The following ROR1 variants were observed in gnomAD, a reference collection of about 807,000 sequenced individuals.
ROR1 encodes inactive tyrosine-protein kinase transmembrane receptor ROR1.
Under a neutral mutation model 78.8 loss-of-function variants are expected in ROR1, and 19 were observed. That is an observed-to-expected ratio of 0.24 (90% confidence interval 0.17 to 0.35). ROR1 has a LOEUF of 0.35. Among genes scored for constraint, ROR1 ranks in the 10% least tolerant of loss-of-function variants. ROR1 has a pLI of 1.00. For missense variants in ROR1, 917 were observed against 1,177.8 expected, an observed-to-expected ratio of 0.78 and a Z score of 3.24; for synonymous variants, 386 against 433.6, an observed-to-expected ratio of 0.89 and a Z score of 1.36.
At chr1:64,029,191 G>A (rs1251552373) in intron 2 of ROR1, among the ~76,000 whole-genome samples, 1 of 152,054 alleles carries the variant, frequency 6.6e-6, no homozygotes, top group African/African-American at 2.4e-5. Flanking sequence ...TCTGTGAATA[G>A]TACCTGTGAA....
intron 1 of ROR1, among the ~76,000 whole-genome samples, chr1:63,850,750 T>C (rs1291792690): frequency 6.6e-6 from 1 of 152,186 alleles, no homozygotes; most frequent in Non-Finnish European, 1.5e-5. Context: ...TTGGCCCTAA[T>C]TAGTTTGCTA....
chr1:64,148,773 A>C (rs909235613), intron 7 of ROR1, among the ~76,000 whole-genome samples: 3 of 152,184 alleles, frequency 2.0e-5, no homozygotes, highest in Non-Finnish European at 4.4e-5. Flanking sequence ...GCATATGCCC[A>C]GACAGTGCTT....
At chr1:64,061,868 T>C (rs1646919331) in intron 4 of ROR1, among the ~76,000 whole-genome samples, 1 of 152,234 alleles carries the variant, frequency 6.6e-6, no homozygotes, top group Non-Finnish European at 1.5e-5. Context: ...TAAGATCTTT[T>C]CATTGCTGTG....
Position 64,158,850 on chromosome 1 carries a change from C to T in ROR1, c.1175-131C>T, listed in dbSNP as rs1649851041. On this transcript the variant is annotated intron_variant, in intron 7 of 8. Transcript: ENST00000371079. ...AACAAATGGTAATAAGCAGTGGATTCCTTTCTTCTCACAGTGGATTTGTGT... is the reference window on the plus strand; with the variant it reads ...AACAAATGGTAATAAGCAGTGGATTTCTTTCTTCTCACAGTGGATTTGTGT... 6.0e-6 allele frequency: 4 copies of T among 664,460 alleles called. No individual in the cohort carries two copies. The Admixed American group carries it at 8.5e-5, about 14-fold the overall frequency. 41.2% of individuals were successfully genotyped at this position (664,460 alleles called of 1,614,324 possible). A position where few individuals can be genotyped will look rare whatever the true frequency, so the allele number is the denominator to read the frequency against.
chr1:63,959,466 G>A (rs1646010627), intron 1 of ROR1, among the ~76,000 whole-genome samples: 1 of 152,148 alleles, frequency 6.6e-6, no homozygotes, highest in Non-Finnish European at 1.5e-5. Context: ...GCTACTCAGA[G>A]CAGAGATGTG....
chr1:63,946,182 C>T (rs1645887758), intron 1 of ROR1, among the ~76,000 whole-genome samples: 1 of 152,172 alleles, frequency 6.6e-6, no homozygotes, highest in African/African-American at 2.4e-5. Context: ...GTGCTTGAGG[C>T]TCATAGTTCT....
At chr1:63,793,654 A>G (rs1644740283) in intron 1 of ROR1, among the ~76,000 whole-genome samples, 2 of 152,298 alleles carry the variant, frequency 1.3e-5, no homozygotes, top group Non-Finnish European at 1.5e-5. Flanking sequence ...AGCTCAGGGT[A>G]TGTTTTTTTA....
chr1:64,039,596 G>A (rs1569603167), intron 2 of ROR1, among the ~76,000 whole-genome samples: 1 of 152,180 alleles, frequency 6.6e-6, no homozygotes, highest in East Asian at 1.9e-4. Context: ...TACCAGAGCT[G>A]AAAGCACAAC....
chr1:64,157,618 C>G (rs1649810984), intron 7 of ROR1, among the ~76,000 whole-genome samples: 1 of 152,170 alleles, frequency 6.6e-6, no homozygotes. Flanking sequence ...CAAGTAAAAA[C>G]TACATATGGT....
chr1:64,152,232 A>G (rs1054091561), intron 7 of ROR1, among the ~76,000 whole-genome samples: 2 of 152,220 alleles, frequency 1.3e-5, no homozygotes, highest in East Asian at 3.8e-4. Context: ...TTGAAGACAT[A>G]TGTCACATCC....
intron 1 of ROR1, among the ~76,000 whole-genome samples, chr1:63,910,890 G>A (rs529891899): frequency 7.6e-4 from 116 of 152,184 alleles, no homozygotes; most frequent in Non-Finnish European, 1.4e-3. Flanking sequence ...AAAAGATGTG[G>A]CCACATCCCT....
At chr1:63,989,162 GTTTTTGTTT>G (rs951285239) in intron 1 of ROR1, among the ~76,000 whole-genome samples, 6 of 117,398 alleles carry the variant, frequency 5.1e-5, no homozygotes, top group African/African-American at 1.2e-4. Context: ...GTCATTTTCT[GTTTTTGTTT>G]TTTTTTTTTT....
intron 7 of ROR1, among the ~76,000 whole-genome samples, chr1:64,157,250 G>A (rs946520157): frequency 1.6e-4 from 25 of 152,134 alleles, no homozygotes; most frequent in South Asian, 1.5e-3. Flanking sequence ...TAATCCTTCC[G>A]CCTCAGCCTC....
intron 2 of ROR1, among the ~76,000 whole-genome samples, chr1:64,010,391 A>G (rs1224818599): frequency 6.8e-6 from 1 of 147,580 alleles, no homozygotes; most frequent in Non-Finnish European, 1.5e-5. Context: ...GGTCTCCATC[A>G]CAAAATCTAG....
intron 1 of ROR1, among the ~76,000 whole-genome samples, chr1:63,947,286 GGCTTATGCATTACCATCTAT>G (rs1645898078): frequency 6.6e-6 from 1 of 152,044 alleles, no homozygotes; most frequent in Admixed American, 6.6e-5. Flanking sequence ...TTTAGCTTGG[GGCTTATGCATTACCATCTAT>G]GCTAATATGG....
intron 2 of ROR1, among the ~76,000 whole-genome samples, chr1:64,040,548 G>T (rs1300249453): frequency 6.6e-6 from 1 of 152,134 alleles, no homozygotes; most frequent in African/African-American, 2.4e-5. Flanking sequence ...AGACTGGGTG[G>T]CTTATAAAAC....
intron 1 of ROR1, among the ~76,000 whole-genome samples, chr1:63,863,804 T>TTGTATTGTATTGTATTG (rs1273822103): frequency 1.7e-5 from 2 of 120,998 alleles, no homozygotes; most frequent in South Asian, 2.5e-4. Flanking sequence ...TTGTATTGTA[T>TTGTATTGTATTGTATTG]CATAGATGGC....
chr1:64,140,120 A>G lies in ROR1; in HGVS notation c.622A>G (p.Met208Val), dbSNP rs1414955334. The G allele has an allele frequency of 6.2e-7, 1 of 1,611,520 alleles. No individual in the cohort carries two copies. The change falls in exon 6 of 9, where the codon ATG (methionine) becomes GTG (valine). Residue 208 changes from methionine (M) to valine (V), a missense_variant. Around this residue, in one of 3 missense-constraint regions of ROR1, gnomAD observed 835 missense variants for 1,069.8 expected, o/e 0.78. Coordinates refer to ENST00000371079, the MANE Select transcript of ROR1 (RefSeq NM_005012.4). Reference protein sequence around the residue: ...IENQITAAFTMIGTSSHLSDK... With the variant: ...IENQITAAFTVIGTSSHLSDK... ...TGTTTGTTTTCCAGCTGCCTTCACT[A>G]TGATTGGCACTTCCAGTCACTTATC...
chr1:64,091,915 G>A (rs1220973153), intron 4 of ROR1, among the ~76,000 whole-genome samples: 1 of 152,166 alleles, frequency 6.6e-6, no homozygotes, highest in Non-Finnish European at 1.5e-5. Context: ...TCAAGGGATG[G>A]ATGGGGCTTT....
Sources: allele counts gnomAD v4.1 joint callset (sites outside exome capture counted in the v4.1 genomes callset), GRCh38; gene constraint gnomAD v4.1.1; regional missense constraint gnomAD v4.1.1; transcripts MANE v1.5; gene names NCBI Gene and HGNC (gene_info 2026-07-23, HGNC 2026-07-21).